Variants in CDH13 observed in about 807,000 individuals in gnomAD.
CDH13 encodes the protein cadherin 13.
In CDH13, 24 loss-of-function variants were observed where a neutral mutation model predicts 63.8. The observed-to-expected ratio is 0.38, with a 90% CI of 0.27 to 0.53. The LOEUF is 0.53. CDH13 is among the 20% of genes least tolerant of loss of function. CDH13 has a pLI of 0.85. For synonymous variants in CDH13, 503 were observed against 355.3 expected (o/e 1.42, Z -4.67); for missense variants, 1,049 against 903.1 (o/e 1.16, Z -2.07).
At chr16:83,608,235 C>G (rs1016620574) in intron 8 of CDH13, among the ~76,000 whole-genome samples, 85 of 152,258 alleles carry the variant, frequency 5.6e-4, no homozygotes, top group African/African-American at 1.9e-3. Flanking sequence ...ATAAAAACGA[C>G]ATAAAACTTA....
chr16:83,277,757 A>G (rs531515740), intron 5 of CDH13, among the ~76,000 whole-genome samples: 70 of 152,318 alleles, frequency 4.6e-4, no homozygotes, highest in Middle Eastern at 3.4e-3. Flanking sequence ...TCTTTTGTTT[A>G]GGAAAATACA....
chr16:83,459,633 C>T (rs986866816), intron 6 of CDH13, among the ~76,000 whole-genome samples: 5 of 152,094 alleles, frequency 3.3e-5, no homozygotes, highest in Non-Finnish European at 7.4e-5. Context: ...GATTTGTGAC[C>T]GTTTTTCTAA....
At chr16:83,304,071 G>T (rs985041001) in intron 5 of CDH13, among the ~76,000 whole-genome samples, 2 of 152,178 alleles carry the variant, frequency 1.3e-5, no homozygotes, top group African/African-American at 4.8e-5. Context: ...AATTATTCAT[G>T]GAATTCCAAG....
chr16:82,851,453 AAAAG>A (rs2039483026), intron 1 of CDH13, among the ~76,000 whole-genome samples: 3 of 147,520 alleles, frequency 2.0e-5, no homozygotes, highest in East Asian at 3.9e-4. Flanking sequence ...AATAAAAAGA[AAAAG>A]AAAAAGAAAA....
chr16:82,969,431 C>A (rs1007975460), intron 2 of CDH13, among the ~76,000 whole-genome samples: 1 of 151,388 alleles, frequency 6.6e-6, no homozygotes. Context: ...TAGCTGAATA[C>A]CTGCCTTAGG....
chr16:83,406,021 A>G (rs2092038084), intron 6 of CDH13, among the ~76,000 whole-genome samples: 1 of 152,172 alleles, frequency 6.6e-6, no homozygotes, highest in Non-Finnish European at 1.5e-5. Context: ...ACCTTCTTCC[A>G]GCAGCTTCTC....
chr16:82,672,144 C>T (rs1296899383), intron 1 of CDH13, among the ~76,000 whole-genome samples: 2 of 152,220 alleles, frequency 1.3e-5, no homozygotes, highest in Non-Finnish European at 2.9e-5. Context: ...AACTTCCCAA[C>T]TGTGAGTTTG....
At chr16:83,318,461 T>C (rs778812131) in intron 5 of CDH13, among the ~76,000 whole-genome samples, 2 of 152,240 alleles carry the variant, frequency 1.3e-5, no homozygotes, top group East Asian at 3.8e-4. Context: ...ACACAGACTT[T>C]AGGCAATCAT....
chr16:83,501,672 C>G (rs1031379383), intron 7 of CDH13, among the ~76,000 whole-genome samples: 5 of 152,152 alleles, frequency 3.3e-5, no homozygotes, highest in African/African-American at 1.2e-4. Context: ...AAGGGCTGAC[C>G]TGCCTTTCCT....
At chr16:83,276,838 C>G (rs1344994374) in intron 5 of CDH13, among the ~76,000 whole-genome samples, 1 of 152,148 alleles carries the variant, frequency 6.6e-6, no homozygotes, top group Non-Finnish European at 1.5e-5. Flanking sequence ...CCACTGCACT[C>G]CAGCCTGGGT....
chr16:83,179,035 G>C (rs2038241741), intron 4 of CDH13, among the ~76,000 whole-genome samples: 1 of 152,160 alleles, frequency 6.6e-6, no homozygotes, highest in South Asian at 2.1e-4. Flanking sequence ...GGACATGTAT[G>C]CATTAAGCCT....
At chr16:83,471,104 A>G (rs888309605) in intron 6 of CDH13, among the ~76,000 whole-genome samples, 20 of 151,928 alleles carry the variant, frequency 1.3e-4, no homozygotes, top group African/African-American at 4.8e-4. Flanking sequence ...TCTCTCTCTT[A>G]CAAGGACCTT....
chr16:83,450,206 G>T (rs1044790723), intron 6 of CDH13, among the ~76,000 whole-genome samples: 1 of 152,218 alleles, frequency 6.6e-6, no homozygotes, highest in Admixed American at 6.5e-5. Context: ...GTTGCATGAT[G>T]CCCACAAACC....
chr16:82,705,346 A>G, intron 1 of CDH13: 1 of 353,032 alleles, frequency 2.8e-6, no homozygotes, highest in East Asian at 7.5e-5. Context: ...ATGCCCAGAG[A>G]TATAACAATT....
chr16:82,731,955 C>T (rs2033425431), intron 1 of CDH13, among the ~76,000 whole-genome samples: 1 of 152,160 alleles, frequency 6.6e-6, no homozygotes, highest in South Asian at 2.1e-4. Flanking sequence ...GTTCCTCCAC[C>T]TGAAACAATC....
intron 6 of CDH13, among the ~76,000 whole-genome samples, chr16:83,398,927 G>A (rs934404113): frequency 1.3e-5 from 2 of 152,180 alleles, no homozygotes; most frequent in South Asian, 2.1e-4. Context: ...AAAAATGTTG[G>A]AAGCAATTTG....
chr16:83,204,961 T>C (rs2039139596), intron 4 of CDH13, among the ~76,000 whole-genome samples: 2 of 152,228 alleles, frequency 1.3e-5, no homozygotes, highest in Non-Finnish European at 2.9e-5. Context: ...TACACTTCAC[T>C]AGCTAACGCA....
chr16:83,067,407 C>A (rs2032101335), intron 3 of CDH13, among the ~76,000 whole-genome samples: 1 of 152,128 alleles, frequency 6.6e-6, no homozygotes, highest in African/African-American at 2.4e-5. Flanking sequence ...TGGGAACCAT[C>A]CATAGTTGGT....
At chr16:82,734,947 C>T (rs1442502616) in intron 1 of CDH13, among the ~76,000 whole-genome samples, 3 of 152,138 alleles carry the variant, frequency 2.0e-5, no homozygotes, top group African/African-American at 7.2e-5. Context: ...TCACAATGTC[C>T]AGCACATAGA....
Sources: allele counts gnomAD v4.1 joint callset (sites outside exome capture counted in the v4.1 genomes callset), GRCh38; gene constraint gnomAD v4.1.1; transcripts MANE v1.5; gene names NCBI Gene and HGNC (gene_info 2026-07-23, HGNC 2026-07-21).